ACAT1: variants seen among roughly 807,000 people sequenced by gnomAD.
ACAT1 encodes the protein acetyl-CoA acetyltransferase, mitochondrial.
Under a neutral mutation model 47.3 loss-of-function variants are expected in ACAT1, and 28 were observed. That is an observed-to-expected ratio of 0.59 (90% CI 0.44 to 0.81). The LOEUF (loss-of-function observed/expected upper bound fraction) is 0.81, where lower values mean the gene tolerates loss of function less well. ACAT1 is among the 30% of genes least tolerant of loss of function. The pLI, the probability that ACAT1 is intolerant of heterozygous loss-of-function variation, is 0.00. For missense variants in ACAT1, 469 were observed against 524.3 expected (o/e 0.89, Z 1.03); for synonymous variants, 181 against 173.6 (o/e 1.04, Z -0.34).
intron 10 of ACAT1, among the ~76,000 whole-genome samples, chr11:108,145,431 G>A (rs542526762): frequency 4.2e-4 from 64 of 151,352 alleles, no homozygotes; most frequent in African/African-American, 1.5e-3. Context: ...TAATCCCAGC[G>A]CTTTGGGAGG....
chr11:108,121,586 G>C lies in ACAT1; in HGVS notation c.-21G>C, dbSNP rs1032398980. On this transcript the variant is annotated 5_prime_UTR_variant, in exon 1 of 12. Transcript: ENST00000265838. The stretch of plus-strand genomic sequence containing the variant: ...GCCGCTAGTCTACGCCTGTGGAGCC[G>C]ATACTCAGCCCTCTGCGACCATGGC... 5.8e-6 allele frequency: 9 copies of C among 1,549,772 alleles called. No homozygotes were observed. The African/African-American group carries it at 1.1e-4, about 19-fold the overall frequency.
intron 5 of ACAT1, among the ~76,000 whole-genome samples, chr11:108,135,801 C>T (rs1591364384): frequency 6.6e-6 from 1 of 151,812 alleles, no homozygotes; most frequent in South Asian, 2.1e-4. Context: ...GCACTCCAAC[C>T]TGGGAGATAG....
intron 1 of ACAT1, among the ~76,000 whole-genome samples, chr11:108,125,341 G>GCA (rs2077228245): frequency 7.2e-5 from 11 of 152,150 alleles, no homozygotes; most frequent in African/African-American, 2.4e-5. Flanking sequence ...ATATGGTTCA[G>GCA]TGTCCTGACC....
upstream of ACAT1, among the ~76,000 whole-genome samples, chr11:108,120,938 C>T (rs1034081680): frequency 3.9e-5 from 6 of 152,084 alleles, no homozygotes; most frequent in East Asian, 5.8e-4. Flanking sequence ...TGGTCGCCTG[C>T]GCCTGTAATC....
chr11:108,146,089 A>G (rs2077701693), intron 10 of ACAT1, 113 bp from the exon 11 acceptor site: 2 of 1,014,182 alleles, frequency 2.0e-6, no homozygotes, highest in Admixed American at 2.0e-5. Flanking sequence ...TCTGAAACCA[A>G]GAACTTCCAT....
Position 108,133,836 on chromosome 11 carries a change from G to C in ACAT1, c.137G>C (p.Ser46Thr), listed in dbSNP as rs1241664695. Residue 46 changes from serine to threonine, a missense_variant, in exon 3 of 12, where the codon AGT (serine) becomes ACT (threonine). Ser to Thr is a moderately conservative substitution (Grantham distance 58). Transcript: ENST00000265838. ...KPTLKEVVIV[S>T]ATRTPIGSFL... is the part of the protein sequence containing the mutation. ...TCTTGCCAGGAAGTGGTCATAGTAA[G>C]TGCTACAAGAACACCCATTGGATCT... 3 of 1,613,900 alleles carry C rather than the reference G, an allele frequency of 1.9e-6. No individual in the cohort carries two copies. Among genetic ancestry groups the C allele is most frequent in the Admixed American group, 1.7e-5 (1 of 60,004 alleles).
At chr11:108,131,176 T>A (rs1185041551) in intron 1 of ACAT1, among the ~76,000 whole-genome samples, 1 of 152,140 alleles carries the variant, frequency 6.6e-6, no homozygotes, top group Non-Finnish European at 1.5e-5. Flanking sequence ...ATATGAGATG[T>A]GTTTGCCTCA....
intron 7 of ACAT1, among the ~76,000 whole-genome samples, chr11:108,140,545 C>T (rs952721397): frequency 6.6e-6 from 1 of 152,204 alleles, no homozygotes; most frequent in Non-Finnish European, 1.5e-5. Context: ...ACAGTAGCAA[C>T]CATTCAGCTC....
At chr11:108,138,780 G>T in intron 5 of ACAT1, 118 bp from the exon 6 acceptor site, 1 of 1,154,932 alleles carries the variant, frequency 8.7e-7, no homozygotes, top group South Asian at 1.2e-5. Flanking sequence ...TATTCACTGT[G>T]TAACAAATGT....
intron 1 of ACAT1, among the ~76,000 whole-genome samples, chr11:108,127,016 G>A (rs1024588138): frequency 6.6e-6 from 1 of 151,326 alleles, no homozygotes; most frequent in Non-Finnish European, 1.5e-5. Context: ...CGGGGTTTCA[G>A]CATGTTGGCC....
At chr11:108,139,909 C>G (rs553183208) in intron 6 of ACAT1, 156 bp from the exon 7 acceptor site, 22 of 847,794 alleles carry the variant, frequency 2.6e-5, no homozygotes, top group South Asian at 1.2e-4. Flanking sequence ...CCTTGGCCCC[C>G]CAAAGTGCTG....
intron 10 of ACAT1, among the ~76,000 whole-genome samples, chr11:108,144,501 G>A (rs1246645994): frequency 6.6e-6 from 1 of 152,142 alleles, no homozygotes. Context: ...TTGTCAGTAA[G>A]GGCTATCCAA....
upstream of ACAT1, among the ~76,000 whole-genome samples, chr11:108,118,405 C>T (rs900075460): frequency 1.4e-4 from 21 of 151,160 alleles, no homozygotes; most frequent in Admixed American, 6.6e-4. Context: ...GACGGAGTCT[C>T]GCTCTGTCAC....
At chr11:108,120,723 C>T (rs1376686680), upstream of ACAT1, among the ~76,000 whole-genome samples, 1 of 151,998 alleles carries the variant, frequency 6.6e-6, no homozygotes, top group Non-Finnish European at 1.5e-5. Context: ...GCCTTTTTAC[C>T]CATATTTGTA....
intron 1 of ACAT1, chr11:108,128,674 A>G (rs2077296326): frequency 6.6e-6 from 1 of 152,204 alleles, no homozygotes; most frequent in South Asian, 2.1e-4. Context: ...TTGTATGCTT[A>G]TGGAATTATC....
intron 4 of ACAT1, among the ~76,000 whole-genome samples, chr11:108,134,728 G>A (rs928188429): frequency 2.7e-4 from 40 of 150,088 alleles, no homozygotes; most frequent in Non-Finnish European, 1.5e-5. Flanking sequence ...GGTGGATCAC[G>A]AGGTCAGGAG....
intron 3 of ACAT1, 76 bp downstream of exon 3, chr11:108,134,013 A>G: frequency 2.2e-6 from 3 of 1,374,832 alleles, no homozygotes; most frequent in Non-Finnish European, 3.1e-6. Flanking sequence ...TGCATTAACT[A>G]TGTATGTAAC....
upstream of ACAT1, among the ~76,000 whole-genome samples, chr11:108,119,228 C>T (rs1189922476): frequency 2.0e-5 from 3 of 151,262 alleles, no homozygotes; most frequent in East Asian, 1.9e-4. Context: ...TTTTGAGACA[C>T]AGTCTCATTC....
chr11:108,120,112 G>A (rs999886434), upstream of ACAT1, among the ~76,000 whole-genome samples: 3 of 151,972 alleles, frequency 2.0e-5, no homozygotes, highest in South Asian at 2.1e-4. Context: ...CCAGCTACTC[G>A]TGAGGCTGAG....
Sources: gnomAD v4.1 joint callset for allele counts (sites outside exome capture counted in the v4.1 genomes callset) on GRCh38, gnomAD v4.1.1 for gene constraint, MANE v1.5 for transcripts, NCBI Gene and HGNC (gene_info 2026-07-23, HGNC 2026-07-21) for gene names.